MINAR1: variants seen among roughly 807,000 people sequenced by gnomAD.
MINAR1 encodes major intrinsically disordered Notch2-binding receptor 1.
Under a neutral mutation model 65.1 loss-of-function variants are expected in MINAR1, and 40 were observed. That is an observed-to-expected ratio of 0.61 (90% CI 0.48 to 0.80). The LOEUF (loss-of-function observed/expected upper bound fraction) is 0.80. Among genes scored for constraint, MINAR1 ranks in the 30% least tolerant of loss-of-function variants. MINAR1 has a pLI of 0.00. For synonymous variants in MINAR1, 482 were observed against 449.1 expected, an observed-to-expected ratio of 1.07 and a Z score of -0.93; for missense variants, 1,128 against 1,148.0, an observed-to-expected ratio of 0.98 and a Z score of 0.25.
intron 1 of MINAR1, among the ~76,000 whole-genome samples, chr15:79,452,596 GAGTCTGGGTT>G (rs1895254324): frequency 2.0e-5 from 3 of 150,654 alleles, no homozygotes; most frequent in Non-Finnish European, 4.4e-5. Flanking sequence ...GTGTAGGTGT[GAGTCTGGGTT>G]AGTCTGGGTG....
intron 1 of MINAR1, among the ~76,000 whole-genome samples, chr15:79,440,877 A>T (rs1894851482): frequency 6.6e-6 from 1 of 152,118 alleles, no homozygotes; most frequent in Admixed American, 6.5e-5. Flanking sequence ...TTCGCTTATT[A>T]TCTGTCTCCC....
At chr15:79,418,088 A>G in the MINAR1 span, 1 of 152,232 alleles carries the variant, frequency 6.6e-6, no homozygotes, top group Non-Finnish European at 1.5e-5. Context: ...GGGAAAAGGT[A>G]GAATTAATCA....
At chr15:79,467,358 A>T (rs896806564) in intron 3 of MINAR1, among the ~76,000 whole-genome samples, 1 of 152,236 alleles carries the variant, frequency 6.6e-6, no homozygotes, top group Admixed American at 6.5e-5. Flanking sequence ...TTTATGTGAC[A>T]CTCATATTAT....
At chr15:79,417,689 T>C in the MINAR1 span, 1 of 152,194 alleles carries the variant, frequency 6.6e-6, no homozygotes, top group South Asian at 2.1e-4. Context: ...CCCTCTGCAG[T>C]GTGGGCTCTT....
At chr15:79,418,673 T>A in the MINAR1 span, 1 of 152,358 alleles carries the variant, frequency 6.6e-6, no homozygotes, top group Non-Finnish European at 1.5e-5. Context: ...TTGAGGATGC[T>A]CTTTGTCAAA....
intron 2 of MINAR1, among the ~76,000 whole-genome samples, chr15:79,458,795 AAT>A (rs1236622847): frequency 1.3e-5 from 2 of 152,212 alleles, no homozygotes; most frequent in African/African-American, 4.8e-5. Context: ...TCCTTTCTGA[AAT>A]AGGATGCAGG....
chr15:79,460,372 A>T (rs1895601906), intron 2 of MINAR1, among the ~76,000 whole-genome samples: 1 of 152,184 alleles, frequency 6.6e-6, no homozygotes, highest in Non-Finnish European at 1.5e-5. Flanking sequence ...CTTTAAAAAC[A>T]GTGTTCCCTC....
intron 2 of MINAR1, among the ~76,000 whole-genome samples, chr15:79,461,677 A>G (rs1895644691): frequency 6.6e-6 from 1 of 152,210 alleles, no homozygotes; most frequent in Non-Finnish European, 1.5e-5. Flanking sequence ...GTTATGCTCT[A>G]TTTGGGTAAG....
intron 1 of MINAR1, among the ~76,000 whole-genome samples, chr15:79,453,067 G>T (rs7182794): frequency 0.11 from 16,543 of 151,538 alleles, 1,359 homozygotes; most frequent in African/African-American, 0.23. Flanking sequence ...GCTCTGACCA[G>T]ATCCGGCTTC....
the MINAR1 span, chr15:79,412,231 G>A: frequency 6.6e-6 from 1 of 152,206 alleles, no homozygotes; most frequent in Non-Finnish European, 1.5e-5. Flanking sequence ...ATCACTGCTG[G>A]TGCACATGTG....
chr15:79,432,006 G>A (rs1425168900), upstream of MINAR1, among the ~76,000 whole-genome samples: 1 of 152,122 alleles, frequency 6.6e-6, no homozygotes, highest in Non-Finnish European at 1.5e-5. Context: ...CTGCCCGTGC[G>A]CCCCGCCAGC....
At chr15:79,446,527 AT>A (rs1236381816) in intron 1 of MINAR1, among the ~76,000 whole-genome samples, 2 of 151,806 alleles carry the variant, frequency 1.3e-5, no homozygotes, top group African/African-American at 2.4e-5. Flanking sequence ...TTTTATTTCT[AT>A]TTTTTAGTCT....
chr15:79,452,760 A>AGCGT (rs202014507), intron 1 of MINAR1, among the ~76,000 whole-genome samples: 2 of 139,604 alleles, frequency 1.4e-5, no homozygotes, highest in African/African-American at 2.7e-5. Context: ...TGTGTGGGTG[A>AGCGT]GTGAAGCTGT....
chr15:79,439,636 G>T (rs1186120066), intron 1 of MINAR1, among the ~76,000 whole-genome samples: 1 of 151,808 alleles, frequency 6.6e-6, no homozygotes, highest in African/African-American at 2.4e-5. Flanking sequence ...AGCGCTGACT[G>T]CCCTGTGCTA....
chr15:79,420,016 A>C, the MINAR1 span: 1 of 152,228 alleles, frequency 6.6e-6, no homozygotes, highest in Admixed American at 6.5e-5. Context: ...ACCAACAAAC[A>C]ACACCTGAAC....
At chr15:79,420,307 G>A in the MINAR1 span, 7 of 152,124 alleles carry the variant, frequency 4.6e-5, no homozygotes, top group Non-Finnish European at 1.0e-4. Flanking sequence ...TAGGCAATGT[G>A]GGTGTTTTAT....
chr15:79,468,268 C>T lies in MINAR1; in HGVS notation c.2635C>T (p.Arg879Cys), dbSNP rs751772523. 42 of 1,613,760 alleles carry T rather than the reference C, an allele frequency of 2.6e-5. No individual in the cohort carries two copies. The highest frequency in any genetic ancestry group is 8.3e-5 in the Admixed American group (5 of 59,986). The change falls in exon 4 of 4, where the codon CGT (arginine) becomes TGT (cysteine). Residue 879 changes from arginine to cysteine, a missense_variant. By Grantham distance (180) the Arg-to-Cys change is radical. Coordinates refer to ENST00000305428, the MANE Select transcript of MINAR1 (RefSeq NM_015206.3). ...TCCAGGATACGATTCATTACTAAAA[C>T]GTAAAGAAGCCGAATTCAGACGAGC... ...YTPGYDSLLK[R>C]KEAEFRRAKV...
the MINAR1 span, chr15:79,422,847 C>T: frequency 6.6e-6 from 1 of 152,142 alleles, no homozygotes; most frequent in Non-Finnish European, 1.5e-5. Context: ...GAAATAAAAC[C>T]ATTGCAGAAC....
the MINAR1 span, chr15:79,418,287 G>C: frequency 6.6e-6 from 1 of 152,208 alleles, no homozygotes; most frequent in African/African-American, 2.4e-5. Flanking sequence ...TGAAATCAGA[G>C]AGGTGAAATG....
Sources: allele counts gnomAD v4.1 joint callset (sites outside exome capture counted in the v4.1 genomes callset), GRCh38; gene constraint gnomAD v4.1.1; transcripts MANE v1.5; gene names NCBI Gene and HGNC (gene_info 2026-07-23, HGNC 2026-07-21).